The following RERE variants were observed in gnomAD, a reference collection of about 807,000 sequenced individuals.
RERE encodes arginine-glutamic acid dipeptide repeats protein.
RERE carries 40 observed loss-of-function variants against 146.1 expected under a neutral mutation model. The ratio of observed to expected loss-of-function variants is 0.27; its 90% CI spans 0.21 to 0.36. The LOEUF is 0.36. Ranked by LOEUF, RERE falls within the 10% of genes least tolerant of loss-of-function variation. The probability of loss-of-function intolerance (pLI) is 1.00; values close to 1 mark genes in which losing one functional copy is unlikely to be tolerated. For synonymous variants in RERE, 1,003 were observed against 866.0 expected (o/e 1.16, Z -2.78); for missense variants, 1,933 against 2,138.7 (o/e 0.90, Z 1.90).
chr1:8,464,492 A>G (rs1644569577), intron 11 of RERE, among the ~76,000 whole-genome samples: 1 of 152,054 alleles, frequency 6.6e-6, no homozygotes, highest in African/African-American at 2.4e-5. Flanking sequence ...CTGTCGGAGC[A>G]AGTCACTCCT....
Position 8,423,417 on chromosome 1 carries a change from C to A in RERE, c.1204-610G>T. 1 of 438,312 alleles carries A rather than the reference C, an allele frequency of 2.3e-6. No homozygotes were observed. Among genetic ancestry groups the A allele is most frequent in the Non-Finnish European group, 3.0e-6 (1 of 329,566 alleles). 27.2% of individuals were successfully genotyped at this position (438,312 alleles called of 1,614,324 possible). On this transcript the variant is annotated intron_variant, in intron 11 of 22. Transcript: ENST00000400908. The surrounding 1 kb of genome is among the most constrained non-coding windows in gnomAD (Gnocchi z 5.4). ...CAGAGAATAACCAGCACCCCTTCCG[C>A]CCTCCCGACGCCACTCGCCGCCCCC...
At chr1:8,788,560 T>C (rs2124570473) in intron 1 of RERE, among the ~76,000 whole-genome samples, 1 of 152,194 alleles carries the variant, frequency 6.6e-6, no homozygotes, top group East Asian at 1.9e-4. Flanking sequence ...AGATGGGATT[T>C]CACCATGTTG....
intron 2 of RERE, among the ~76,000 whole-genome samples, chr1:8,653,490 G>A (rs1309448245): frequency 2.0e-5 from 3 of 151,988 alleles, no homozygotes; most frequent in African/African-American, 4.8e-5. Context: ...GGTAGATCAC[G>A]AGGTCAGGAG....
At chr1:8,645,855 G>A (rs1161208051) in intron 2 of RERE, among the ~76,000 whole-genome samples, 5 of 152,090 alleles carry the variant, frequency 3.3e-5, no homozygotes, top group South Asian at 4.1e-4. Context: ...TTTCACATAC[G>A]TGGAATTTGA....
At chr1:8,575,243 A>G (rs1288695001) in intron 4 of RERE, among the ~76,000 whole-genome samples, 1 of 152,188 alleles carries the variant, frequency 6.6e-6, no homozygotes, top group African/African-American at 2.4e-5. Context: ...AGAAACTACA[A>G]AGAAAACCAG....
chr1:8,585,773 T>C (rs984864394), intron 4 of RERE, among the ~76,000 whole-genome samples: 21 of 152,202 alleles, frequency 1.4e-4, no homozygotes, highest in Admixed American at 1.2e-3. Flanking sequence ...AACCAAACCT[T>C]TATTCTGTCT....
chr1:8,782,698 G>A (rs1296015476), intron 1 of RERE, among the ~76,000 whole-genome samples: 2 of 152,154 alleles, frequency 1.3e-5, no homozygotes, highest in African/African-American at 2.4e-5. Context: ...TTGAGGTCAG[G>A]AATTCGAGAC....
intron 11 of RERE, among the ~76,000 whole-genome samples, chr1:8,433,850 G>A (rs535727058): frequency 6.6e-5 from 10 of 152,184 alleles, no homozygotes; most frequent in African/African-American, 2.2e-4. Flanking sequence ...GTGAGCCACC[G>A]CGCCCGGCCC....
intron 1 of RERE, among the ~76,000 whole-genome samples, chr1:8,723,354 T>C (rs908748451): frequency 1.3e-5 from 2 of 152,180 alleles, no homozygotes; most frequent in African/African-American, 4.8e-5. Flanking sequence ...AAATGCAATT[T>C]TTTTCCCTCT....
chr1:8,364,912 G>A lies in RERE; in HGVS notation c.1448-74C>T, dbSNP rs1447968763. On this transcript the variant is annotated intron_variant, in intron 13 of 22. Coordinates refer to ENST00000400908, the MANE Select transcript of RERE (RefSeq NM_001042681.2). The surrounding 1 kb of genome is among the most constrained non-coding windows in gnomAD (Gnocchi z 5.1). ...CAGCCAAGGCTGGGCCGGTGGGGTG[G>A]GGGGGAGGGGGGAACACCTGTGACC... 2 of 732,768 alleles carry A rather than the reference G, an allele frequency of 2.7e-6. No individual in the cohort carries two copies. The highest frequency in any genetic ancestry group is 4.6e-6 in the Non-Finnish European group (2 of 437,668). 45.4% of individuals were successfully genotyped at this position (732,768 alleles called of 1,614,324 possible).
rs572401971 is a variant in RERE, at chr1:8,441,830, G to A, written c.1204-19023C>T. Among the ~76,000 whole-genome samples the A allele has an allele frequency of 1.3e-4, 19 of 151,582 alleles. No individual in the cohort carries two copies. In the South Asian group the frequency reaches 2.1e-3, roughly 17 times the overall value. On this transcript the variant is annotated intron_variant, in intron 11 of 22. Coordinates refer to ENST00000400908, the MANE Select transcript of RERE (RefSeq NM_001042681.2). ...ATTATATCAACATTTACATTATTTCGTTGTTTTCATCAACTGTGCTCTAAT... is the reference window on the plus strand; with the variant it reads ...ATTATATCAACATTTACATTATTTCATTGTTTTCATCAACTGTGCTCTAAT...
intron 4 of RERE, among the ~76,000 whole-genome samples, chr1:8,583,517 C>T (rs1458590467): frequency 6.6e-6 from 1 of 152,158 alleles, no homozygotes; most frequent in African/African-American, 2.4e-5. Flanking sequence ...ATGCCGACAG[C>T]AGGTCAGAAC....
chr1:8,436,760 C>T (rs1644175311), intron 11 of RERE, among the ~76,000 whole-genome samples: 2 of 152,136 alleles, frequency 1.3e-5, no homozygotes, highest in South Asian at 4.1e-4. Flanking sequence ...ATCATTTCAA[C>T]ATGTAATCAA....
chr1:8,445,531 C>T (rs1427528314), intron 11 of RERE, among the ~76,000 whole-genome samples: 1 of 152,144 alleles, frequency 6.6e-6, no homozygotes, highest in Non-Finnish European at 1.5e-5. Context: ...ATCATCTACA[C>T]ATGTAGATGG....
intron 4 of RERE, among the ~76,000 whole-genome samples, chr1:8,561,595 C>G (rs1480197209): frequency 6.6e-6 from 1 of 152,206 alleles, no homozygotes; most frequent in African/African-American, 2.4e-5. Context: ...CCTCCTCAAA[C>G]AAAACCAAGT....
chr1:8,355,330 A>G, intron 22 of RERE, 89 bp downstream of exon 22: 8 of 1,412,336 alleles, frequency 5.7e-6, no homozygotes, highest in Non-Finnish European at 6.9e-6. Flanking sequence ...CAGCAGGCAG[A>G]GGGGGAGGAG....
chr1:8,772,515 C>T (rs960978256), intron 1 of RERE, among the ~76,000 whole-genome samples: 9 of 152,268 alleles, frequency 5.9e-5, no homozygotes, highest in Middle Eastern at 3.4e-3. Context: ...TGGTTCACAC[C>T]TGTAATCCCA....
rs147116390 is a variant in RERE at position 8,556,503 on chromosome 1, C to A, written c.697G>T (p.Val233Phe). The stretch of plus-strand genomic sequence containing the variant: ...AGGGCAGCAGCATGGTAAGTGTCAA[C>A]GTAATCAGAAATGAAGAGCTCTCGG... ...KNRELFISDY[V>F]DTYHAAALRG... The change falls in exon 6 of 23, where the codon GTT becomes TTT. Residue 233 changes from valine (V) to phenylalanine (F), a missense_variant. Val to Phe is a conservative substitution (Grantham distance 50, BLOSUM62 -1). Around this residue, in one of 11 missense-constraint regions of RERE, gnomAD observed 37 missense variants for 46.6 expected, o/e 0.79. Coordinates refer to ENST00000400908, the MANE Select transcript of RERE (RefSeq NM_001042681.2). 3.7e-6 allele frequency: 6 copies of A among 1,609,364 alleles called. No homozygotes were observed. Among genetic ancestry groups the A allele is most frequent in the Non-Finnish European group, 5.1e-6 (6 of 1,175,758 alleles).
At chr1:8,786,602 G>A (rs1429741510) in intron 1 of RERE, 39 of 767,684 alleles carry the variant, frequency 5.1e-5, no homozygotes, top group Middle Eastern at 2.3e-4. Flanking sequence ...TGATAAAGGC[G>A]AAGAAGCTGC....
Sources: allele counts gnomAD v4.1 joint callset (sites outside exome capture counted in the v4.1 genomes callset), GRCh38; gene constraint gnomAD v4.1.1; regional missense constraint gnomAD v4.1.1; non-coding constraint Gnocchi (gnomAD v3.1); transcripts MANE v1.5; gene names NCBI Gene and HGNC (gene_info 2026-07-23, HGNC 2026-07-21).